The following GPHN variants were observed in gnomAD, a reference collection of about 807,000 sequenced individuals.
GPHN encodes gephyrin.
In GPHN, 17 loss-of-function variants were observed where a neutral mutation model predicts 95.5. That is an observed-to-expected ratio of 0.18 (90% CI 0.12 to 0.27). The LOEUF is 0.27. Among genes scored for constraint, GPHN ranks in the 10% least tolerant of loss-of-function variants. GPHN has a pLI of 1.00. For missense variants in GPHN, 660 were observed against 978.1 expected, an observed-to-expected ratio of 0.67 and a Z score of 4.34; for synonymous variants, 320 against 322.5, an observed-to-expected ratio of 0.99 and a Z score of 0.08.
chr14:67,028,051 C>T (rs1229054067), intron 10 of GPHN, among the ~76,000 whole-genome samples: 1 of 152,150 alleles, frequency 6.6e-6, no homozygotes, highest in East Asian at 1.9e-4. Flanking sequence ...TTCCCAGCCT[C>T]TGATAATATC....
At chr14:66,877,304 G>A (rs766350617) in intron 4 of GPHN, among the ~76,000 whole-genome samples, 5 of 152,178 alleles carry the variant, frequency 3.3e-5, no homozygotes, top group Admixed American at 6.5e-5. Flanking sequence ...AAAGCTGGAA[G>A]CATTCTCTTT....
At chr14:66,844,076 T>C (rs1235323106) in intron 4 of GPHN, among the ~76,000 whole-genome samples, 1 of 152,102 alleles carries the variant, frequency 6.6e-6, no homozygotes, top group Non-Finnish European at 1.5e-5. Context: ...ATAAATTTAA[T>C]TATCTTATAA....
the GPHN span, chr14:67,646,816 T>TG: frequency 1.4e-6 from 2 of 1,440,956 alleles, no homozygotes; most frequent in South Asian, 1.2e-5. Context: ...ATGCTTAACT[T>TG]GGTCTATTGC....
At chr14:67,144,287 A>ATATATG (rs1331173986) in intron 18 of GPHN, among the ~76,000 whole-genome samples, 2 of 113,310 alleles carry the variant, frequency 1.8e-5, no homozygotes, top group Non-Finnish European at 1.8e-5. Context: ...ATATATATAT[A>ATATATG]CACACACACA....
chr14:67,002,077 G>A (rs977850804), intron 9 of GPHN, among the ~76,000 whole-genome samples: 2 of 151,536 alleles, frequency 1.3e-5, no homozygotes, highest in African/African-American at 2.4e-5. Context: ...AACACAGGAA[G>A]TAATATGTGT....
intron 2 of GPHN, among the ~76,000 whole-genome samples, chr14:66,770,968 A>G (rs2059146398): frequency 6.6e-6 from 1 of 152,154 alleles, no homozygotes; most frequent in African/African-American, 2.4e-5. Flanking sequence ...CATATCCCGT[A>G]TAGATAAGAA....
At chr14:67,675,227 G>A in the GPHN span, among the ~76,000 whole-genome samples, 3 of 152,166 alleles carry the variant, frequency 2.0e-5, no homozygotes, top group Non-Finnish European at 4.4e-5. Flanking sequence ...AGTGGAACCC[G>A]GCCGGGCGAG....
chr14:66,529,807 G>A (rs2058839089), intron 1 of GPHN, among the ~76,000 whole-genome samples: 1 of 152,074 alleles, frequency 6.6e-6, no homozygotes, highest in Non-Finnish European at 1.5e-5. Context: ...GCTGCAGAAT[G>A]GTAAAGATTG....
At chr14:66,625,176 T>A (rs1001712886) in intron 1 of GPHN, among the ~76,000 whole-genome samples, 24 of 152,246 alleles carry the variant, frequency 1.6e-4, no homozygotes, top group African/African-American at 5.5e-4. Flanking sequence ...CCTCCCAGTC[T>A]CAAGCAATCC....
chr14:67,392,669 T>A, the GPHN span: 1 of 1,613,320 alleles, frequency 6.2e-7, no homozygotes, highest in Non-Finnish European at 8.5e-7. Context: ...TACAAAAGTG[T>A]ACAGGGCTGT....
chr14:66,835,358 T>C (rs1432670177), intron 4 of GPHN, among the ~76,000 whole-genome samples: 1 of 152,012 alleles, frequency 6.6e-6, no homozygotes, highest in Non-Finnish European at 1.5e-5. Flanking sequence ...AGGGTGTCAA[T>C]TTTGGATCTT....
At chr14:66,560,541 T>C (rs905684128) in intron 1 of GPHN, among the ~76,000 whole-genome samples, 10 of 152,220 alleles carry the variant, frequency 6.6e-5, no homozygotes, top group Non-Finnish European at 1.3e-4. Flanking sequence ...GCTCTCTGTT[T>C]GTCTGTTATT....
the GPHN span, among the ~76,000 whole-genome samples, chr14:67,219,276 C>T: frequency 6.0e-4 from 91 of 152,272 alleles, 1 homozygote; most frequent in African/African-American, 2.2e-3. Flanking sequence ...CTTCTGCTTA[C>T]GTTTTCCCTG....
chr14:67,620,111 G>A, the GPHN span: 18 of 1,533,856 alleles, frequency 1.2e-5, no homozygotes, highest in Admixed American at 1.9e-5. Flanking sequence ...ACCTGGAACC[G>A]CCGGGCAGGA....
intron 1 of GPHN, among the ~76,000 whole-genome samples, chr14:66,633,339 A>AT (rs200957805): frequency 0.019 from 2,827 of 152,296 alleles, 27 homozygotes; most frequent in Middle Eastern, 0.055. Flanking sequence ...ATAGTACTTT[A>AT]TTAAGGAATC....
chr14:67,287,580 A>G, the GPHN span, among the ~76,000 whole-genome samples: 1 of 152,276 alleles, frequency 6.6e-6, no homozygotes, highest in African/African-American at 2.4e-5. Context: ...TTGTGAGAAC[A>G]GACATTCATG....
chr14:67,069,237 A>G (rs1054505973), intron 11 of GPHN, among the ~76,000 whole-genome samples: 2 of 152,188 alleles, frequency 1.3e-5, no homozygotes, highest in African/African-American at 4.8e-5. Context: ...TTTCGCTAAC[A>G]TGCTCTATTT....
chr14:66,741,636 T>C (rs781681392), intron 2 of GPHN, among the ~76,000 whole-genome samples: 3 of 152,204 alleles, frequency 2.0e-5, no homozygotes, highest in Non-Finnish European at 2.9e-5. Flanking sequence ...ATATATTTTA[T>C]CACTGTCTTA....
At chr14:67,606,836 T>G in the GPHN span, among the ~76,000 whole-genome samples, 2 of 152,128 alleles carry the variant, frequency 1.3e-5, no homozygotes, top group African/African-American at 2.4e-5. Context: ...TTAGTAGAGA[T>G]GGAGTTTCAC....
Sources: allele counts gnomAD v4.1 joint callset (sites outside exome capture counted in the v4.1 genomes callset), GRCh38; gene constraint gnomAD v4.1.1; transcripts MANE v1.5; gene names NCBI Gene and HGNC (gene_info 2026-07-23, HGNC 2026-07-21).